Variants in SPTBN5 observed in about 807,000 individuals in gnomAD.
SPTBN5 encodes the protein spectrin beta, non-erythrocytic 5.
In SPTBN5, 513 loss-of-function variants were observed where a neutral mutation model predicts 477.6. The observed-to-expected ratio is 1.07, with a 90% confidence interval of 1.00 to 1.16. The LOEUF (loss-of-function observed/expected upper bound fraction) is 1.16, where lower values mean the gene tolerates loss of function less well. Among genes scored for constraint, SPTBN5 ranks in the 50% most tolerant of loss-of-function variants. The pLI is 0.00. For synonymous variants in SPTBN5, 2,169 were observed against 2,011.7 expected, an observed-to-expected ratio of 1.08 and a Z score of -2.09; for missense variants, 5,062 against 4,731.8, an observed-to-expected ratio of 1.07 and a Z score of -2.05.
At chr15:41,868,031 G>C (rs1457117090) in intron 34 of SPTBN5, 38 bp downstream of exon 34, 25 of 1,567,930 alleles carry the variant, frequency 1.6e-5, no homozygotes, top group Non-Finnish European at 2.1e-5. Context: ...AGGAGGAGCA[G>C]GAGGCTGAGC....
chr15:41,873,663 G>T, intron 25 of SPTBN5, 55 bp from the exon 26 acceptor site: 2 of 1,493,564 alleles, frequency 1.3e-6, no homozygotes, highest in African/African-American at 1.4e-5. Flanking sequence ...CCCTCCGTCA[G>T]CCCTGGAGAC....
chr15:41,865,836 A>C lies in SPTBN5; in HGVS notation c.6890T>G (p.Leu2297Arg). ...GGCCGAGTTTCCTCGGAACTCGCGG[A>C]GCCGCCGTCGGAGCTGCAGGCAGTG... ...LEHCLQLRRRLREFRGNSAGD... is the reference protein window; with the variant it reads ...LEHCLQLRRRRREFRGNSAGD... Residue 2297 changes from leucine to arginine, a missense_variant, in exon 39 of 68, where the codon CTC becomes CGC. Coordinates refer to ENST00000320955, the MANE Select transcript of SPTBN5 (RefSeq NM_016642.4). 1 of 1,574,070 alleles carries C rather than the reference A, an allele frequency of 6.4e-7. No individual in the cohort carries two copies. Among genetic ancestry groups the C allele is most frequent in the South Asian group, 1.2e-5 (1 of 85,406 alleles).
Position 41,862,279 on chromosome 15 carries a change from C to T in SPTBN5, c.7399G>A (p.Asp2467Asn), listed in dbSNP as rs1453855479. Reference sequence around the variant, plus strand: ...AGTTTCTGAGCTTGGTGCAAGGCATCCAGCGCCTCCCTCCTGCCCACAGCG... The same window carrying T: ...AGTTTCTGAGCTTGGTGCAAGGCATTCAGCGCCTCCCTCCTGCCCACAGCG... ...SRAQKRREAL[D>N]ALHQAQKLQA... Residue 2467 changes from aspartate (D) to asparagine (N), a missense_variant, in exon 44 of 68, where the codon GAT becomes AAT. Coordinates refer to ENST00000320955, the MANE Select transcript of SPTBN5 (RefSeq NM_016642.4). The T allele has an allele frequency of 6.2e-7, 1 of 1,603,092 alleles. No homozygotes were observed. Among genetic ancestry groups the T allele is most frequent in the South Asian group, 1.1e-5 (1 of 89,966 alleles).
Position 41,866,974 on chromosome 15 carries a change from G to A in SPTBN5, c.6465C>T (p.Thr2155=). The change falls in exon 36 of 68, where the codon ACC becomes ACT. Residue 2155 remains threonine, a synonymous_variant. Coordinates refer to ENST00000320955, the MANE Select transcript of SPTBN5 (RefSeq NM_016642.4). ...GCCCTCTGACCTGGGTTGCGGCCTG[G>A]GTGAAGCTGGCCATCAGCAGGGAGG... The part of the protein sequence containing the change: ...LHASLLMASF[T]QAATQAEDWI... The A allele has an allele frequency of 6.4e-7, 1 of 1,574,318 alleles. No individual in the cohort carries two copies. The highest frequency in any genetic ancestry group is 8.6e-7 in the Non-Finnish European group (1 of 1,160,376).
At chr15:41,852,779 G>GGA (rs747774863) in intron 60 of SPTBN5, 44 bp from the exon 61 acceptor site, 9 of 1,603,782 alleles carry the variant, frequency 5.6e-6, no homozygotes, top group Non-Finnish European at 7.7e-6. Context: ...TGGGGGGGGG[G>GGA]GCCCAGAGCC....
chr15:41,871,452 G>C lies in SPTBN5; in HGVS notation c.5370C>G (p.Cys1790Trp). Residue 1790 changes from cysteine (C) to tryptophan (W), a missense_variant, in exon 29 of 68, where the codon TGC becomes TGG. Coordinates refer to ENST00000320955, the MANE Select transcript of SPTBN5 (RefSeq NM_016642.4). ...VEMGSQRVAA[C>W]RLLAESLLER... The stretch of plus-strand genomic sequence containing the variant: ...CTAGCAGGCTCTCCGCCAGCAGCCG[G>C]CAGGCGGCCACCCGCTGGCTGCCCA... The C allele has an allele frequency of 6.5e-7, 1 of 1,540,228 alleles. No individual in the cohort carries two copies. Among genetic ancestry groups the C allele is most frequent in the Non-Finnish European group, 8.8e-7 (1 of 1,141,682 alleles).
chr15:41,877,387 C>A, intron 17 of SPTBN5, 31 bp from the exon 18 acceptor site: 1 of 1,593,542 alleles, frequency 6.3e-7, no homozygotes, highest in Admixed American at 1.7e-5. Context: ...AGAGTCAAAC[C>A]CCAGCAGGCT....
chr15:41,849,930 TG>T lies in SPTBN5; in HGVS notation c.10950del (p.Lys3651AsnfsTer6). On this transcript the variant is annotated frameshift_variant, in exon 67 of 68. Transcript: ENST00000320955. LOFTEE classifies it high-confidence loss of function. ...AAQSLSPKLKAKPVSSLNECT... is the reference protein window; with the variant it reads ...AAQSLSPKLKXKPVSSLNECT... Reference sequence around the variant, plus strand: ...CACTCATTCAGAGAGCTGACAGGTTTGGCTTTGAGTTTTGGGCTCAGACTCT... The same window carrying T: ...CACTCATTCAGAGAGCTGACAGGTTTGCTTTGAGTTTTGGGCTCAGACTCT... 1 of 1,596,622 alleles carries T rather than the reference TG, an allele frequency of 6.3e-7. No individual in the cohort carries two copies. The highest frequency in any genetic ancestry group is 8.5e-7 in the Non-Finnish European group (1 of 1,171,398).
chr15:41,853,766 T>C lies in SPTBN5; in HGVS notation c.9796A>G (p.Lys3266Glu), dbSNP rs779954024. The C allele has an allele frequency of 1.1e-5, 17 of 1,572,746 alleles. No homozygotes were observed. The highest frequency in any genetic ancestry group is 1.7e-4 in the Middle Eastern group (1 of 6,038). ...RLERELEAMEKEVARLQTEAC... is the reference protein window; with the variant it reads ...RLERELEAMEEEVARLQTEAC... ...TCCGTCTGTAGCCGTGCCACCTCCT[T>C]CTCCATAGCTTCCAGCTCTCTCTGC... The change falls in exon 58 of 68, where the codon AAG becomes GAG. Residue 3266 changes from lysine to glutamate, a missense_variant. Transcript: ENST00000320955.
chr15:41,888,602 A>C (rs893213037), intron 4 of SPTBN5, among the ~76,000 whole-genome samples: 1 of 152,218 alleles, frequency 6.6e-6, no homozygotes, highest in East Asian at 1.9e-4. Flanking sequence ...CTGGGACTAC[A>C]TGGAGGCACC....
intron 41 of SPTBN5, among the ~76,000 whole-genome samples, 157 bp from the exon 42 acceptor site, chr15:41,863,060 G>A (rs1331541180): frequency 6.6e-6 from 1 of 152,238 alleles, no homozygotes; most frequent in Non-Finnish European, 1.5e-5. Flanking sequence ...CTTATGTGAG[G>A]GGGACGATTC....
intron 39 of SPTBN5, among the ~76,000 whole-genome samples, 159 bp downstream of exon 39, chr15:41,865,649 G>A (rs1394552950): frequency 6.6e-6 from 1 of 152,236 alleles, no homozygotes; most frequent in African/African-American, 2.4e-5. Context: ...TAAAGAGGAA[G>A]GAGTGAAGGC....
At chr15:41,869,689 A>C (rs2066463649) in intron 32 of SPTBN5, among the ~76,000 whole-genome samples, 152 bp downstream of exon 32, 1 of 152,218 alleles carries the variant, frequency 6.6e-6, no homozygotes, top group Non-Finnish European at 1.5e-5. Context: ...GCCCCTGACC[A>C]GCCAGACTGA....
At chr15:41,874,733 AC>A (rs1218450330) in intron 23 of SPTBN5, 108 bp downstream of exon 23, 1 of 1,129,414 alleles carries the variant, frequency 8.9e-7, no homozygotes, top group East Asian at 2.6e-5. Context: ...GAATGACTCT[AC>A]TCATAAGGGA....
rs538199819 is a variant in SPTBN5, at chr15:41,881,266, G to A, written c.2458-32C>T. On this transcript the variant is annotated intron_variant, in intron 12 of 67. Coordinates refer to ENST00000320955, the MANE Select transcript of SPTBN5 (RefSeq NM_016642.4). ...GACAAAGGGCAGCGCGTCTACAGGC[G>A]ACCCCATCAAGCAGCAGGGGCTTTG... is the stretch of plus-strand genomic sequence containing the variant. The A allele has an allele frequency of 4.4e-5, 69 of 1,557,652 alleles. 2 individuals carry two copies. In the South Asian group the frequency reaches 7.9e-4, roughly 18 times the overall value.
intron 43 of SPTBN5, 25 bp downstream of exon 43, chr15:41,862,514 G>A (rs531931913): frequency 1.5e-5 from 24 of 1,576,158 alleles, no homozygotes; most frequent in Middle Eastern, 1.9e-4. Context: ...ATGGGTCGGC[G>A]AGGGCAAGGC....
chr15:41,879,308 GTCT>G lies in SPTBN5; in HGVS notation c.3131_3133del (p.Lys1044del), dbSNP rs1485606510. On this transcript the variant is annotated inframe_deletion, in exon 16 of 68. Coordinates refer to ENST00000320955, the MANE Select transcript of SPTBN5 (RefSeq NM_016642.4). Reference sequence around the variant, plus strand: ...GTGGACCCTCCTCTCCAGCACCAGGGTCTTCTTCTGGGCCAGCTGCAGGGCGTG... The same window carrying G: ...GTGGACCCTCCTCTCCAGCACCAGGGTCTTCTGGGCCAGCTGCAGGGCGTG... The G allele has an allele frequency of 5.6e-6, 9 of 1,611,610 alleles. No homozygotes were observed. Among genetic ancestry groups the G allele is most frequent in the African/African-American group, 1.3e-5 (1 of 74,924 alleles).
At chr15:41,855,927 T>C (rs2065918634) in intron 53 of SPTBN5, among the ~76,000 whole-genome samples, 182 bp from the exon 54 acceptor site, 1 of 152,240 alleles carries the variant, frequency 6.6e-6, no homozygotes, top group South Asian at 2.1e-4. Flanking sequence ...GGCAGTGTTT[T>C]GTAAAGGGTC....
At position 41,848,155 on chromosome 15, in the gene SPTBN5, G is replaced by C. The variant is rs796850449; in HGVS notation, c.*461C>G. ...CAGACTCATACAAATGTGAGGCGCTGAGACCATCTGTTATTACTGCTGAGA... is the reference window on the plus strand; with the variant it reads ...CAGACTCATACAAATGTGAGGCGCTCAGACCATCTGTTATTACTGCTGAGA... On this transcript the variant is annotated 3_prime_UTR_variant, in exon 68 of 68. Transcript: ENST00000320955. 2.6e-5 allele frequency: 14 copies of C among 548,038 alleles called. No individual in the cohort carries two copies. Among genetic ancestry groups the C allele is most frequent in the Non-Finnish European group, 4.3e-5 (13 of 305,704 alleles). 33.9% of individuals were successfully genotyped at this position (548,038 alleles called of 1,614,324 possible).
Sources: gnomAD v4.1 joint callset for allele counts (sites outside exome capture counted in the v4.1 genomes callset) on GRCh38, gnomAD v4.1.1 for gene constraint, MANE v1.5 for transcripts, NCBI Gene and HGNC (gene_info 2026-07-23, HGNC 2026-07-21) for gene names.